Variants in CRY1 observed in about 807,000 individuals in gnomAD.
CRY1 encodes cryptochrome circadian regulator 1, also known as cryptochrome-1.
A neutral mutation model predicts 76.0 loss-of-function variants in CRY1; 45 were observed. The observed-to-expected ratio is 0.59, with a 90% CI of 0.47 to 0.76. The LOEUF (loss-of-function observed/expected upper bound fraction) is 0.76, where lower values mean the gene tolerates loss of function less well. Ranked by LOEUF, CRY1 falls within the 30% of genes least tolerant of loss-of-function variation. CRY1 has a pLI of 0.00. For missense variants in CRY1, 587 were observed against 716.4 expected (o/e 0.82, Z 2.06); for synonymous variants, 248 against 244.0 (o/e 1.02, Z -0.15).
intron 1 of CRY1, among the ~76,000 whole-genome samples, chr12:107,034,030 A>G (rs530320301): frequency 2.7e-4 from 41 of 151,842 alleles, no homozygotes; most frequent in African/African-American, 9.4e-4. Flanking sequence ...ACTTCCAGGA[A>G]GTTAGGCGTT....
At chr12:107,087,319 C>A (rs1276202853) in intron 1 of CRY1, among the ~76,000 whole-genome samples, 2 of 152,088 alleles carry the variant, frequency 1.3e-5, no homozygotes, top group African/African-American at 4.8e-5. Context: ...AAACAGCACA[C>A]ACCCTCAGCC....
At chr12:107,021,487 T>C (rs1369068465) in intron 2 of CRY1, among the ~76,000 whole-genome samples, 1 of 152,082 alleles carries the variant, frequency 6.6e-6, no homozygotes. Flanking sequence ...AAACGTTCAG[T>C]AGAAAGCTAG....
At chr12:107,086,860 G>A (rs1411041487) in intron 1 of CRY1, among the ~76,000 whole-genome samples, 4 of 152,226 alleles carry the variant, frequency 2.6e-5, no homozygotes, top group Admixed American at 6.5e-5. Flanking sequence ...TCCCCACAGA[G>A]AACTCACTGT....
chr12:107,036,128 G>A lies in CRY1; in HGVS notation c.159-13936C>T, dbSNP rs570739950. 5.9e-5 allele frequency among the ~76,000 whole-genome samples: 9 copies of A among 152,226 alleles called. No individual in the cohort carries two copies. In the East Asian group the frequency reaches 1.7e-3, roughly 29 times the overall value. Reference sequence around the variant, plus strand: ...AGGGGAAGAACTGGGAAACATACAGGGCTTTACATTGCCTTCACCAAGTAC... The same window carrying A: ...AGGGGAAGAACTGGGAAACATACAGAGCTTTACATTGCCTTCACCAAGTAC... On this transcript the variant is annotated intron_variant, in intron 1 of 12. Coordinates refer to ENST00000008527, the MANE Select transcript of CRY1 (RefSeq NM_004075.5).
chr12:107,017,280 C>A (rs1443402153), intron 2 of CRY1, among the ~76,000 whole-genome samples: 1 of 152,220 alleles, frequency 6.6e-6, no homozygotes. Context: ...GTTGTTGTTC[C>A]CTAAACAAAT....
At chr12:106,997,192 A>G in intron 10 of CRY1, 102 bp downstream of exon 10, 1 of 1,076,670 alleles carries the variant, frequency 9.3e-7, no homozygotes, top group South Asian at 1.4e-5. Context: ...GCTAATTTCA[A>G]AGACAGATTT....
intron 1 of CRY1, among the ~76,000 whole-genome samples, chr12:107,087,374 T>C (rs1055802396): frequency 2.0e-5 from 3 of 152,170 alleles, no homozygotes; most frequent in Non-Finnish European, 2.9e-5. Context: ...AAAGAAGCCA[T>C]GTGGTCTGTG....
At chr12:107,068,125 G>A (rs1308697719) in intron 1 of CRY1, among the ~76,000 whole-genome samples, 1 of 152,096 alleles carries the variant, frequency 6.6e-6, no homozygotes, top group East Asian at 1.9e-4. Context: ...ATCCTAATTA[G>A]TTTCATGCTA....
At position 107,075,322 on chromosome 12, in the gene CRY1, A is replaced by G. The variant is rs565849452; in HGVS notation, c.158+17482T>C. On this transcript the variant is annotated intron_variant, in intron 1 of 12. Coordinates refer to ENST00000008527, the MANE Select transcript of CRY1 (RefSeq NM_004075.5). Reference sequence around the variant, plus strand: ...TAAATTTTATATAAACTGAGAATATAAAAAGTAAAGTTTTATAGAAAATGA... The same window carrying G: ...TAAATTTTATATAAACTGAGAATATGAAAAGTAAAGTTTTATAGAAAATGA... 1.7e-4 allele frequency among the ~76,000 whole-genome samples: 26 copies of G among 152,336 alleles called. No homozygotes were observed. In the East Asian group the frequency reaches 4.6e-3, roughly 27 times the overall value.
At chr12:106,998,172 A>G in intron 7 of CRY1, 106 bp from the exon 8 acceptor site, 1 of 1,287,180 alleles carries the variant, frequency 7.8e-7, no homozygotes, top group African/African-American at 1.5e-5. Context: ...AATCTAGCAC[A>G]GAATTGTAAA....
At chr12:106,997,232 CAAATAT>C in intron 10 of CRY1, 56 bp downstream of exon 10, 1 of 1,376,956 alleles carries the variant, frequency 7.3e-7, no homozygotes. Context: ...GGATCAATAA[CAAATAT>C]ATTTGTTTAA....
intron 1 of CRY1, among the ~76,000 whole-genome samples, chr12:107,069,647 G>GTATATA (rs1953161475): frequency 7.8e-6 from 1 of 128,318 alleles, no homozygotes; most frequent in African/African-American, 2.9e-5. Flanking sequence ...TATATAAAAA[G>GTATATA]TATATAAAGT....
chr12:107,056,472 C>A (rs1036578480), intron 1 of CRY1, among the ~76,000 whole-genome samples: 1 of 152,174 alleles, frequency 6.6e-6, no homozygotes, highest in Non-Finnish European at 1.5e-5. Flanking sequence ...CTAGAGCAAG[C>A]TTGCCCAACC....
chr12:107,092,825 T>A lies in CRY1; in HGVS notation c.137A>T (p.Asn46Ile), dbSNP rs1172430877. 1 of 1,611,622 alleles carries A rather than the reference T, an allele frequency of 6.2e-7. No individual in the cohort carries two copies. Among genetic ancestry groups the A allele is most frequent in the Non-Finnish European group, 8.5e-7 (1 of 1,179,800 alleles). The change falls in exon 1 of 13, where the codon AAT becomes ATT. Residue 46 changes from asparagine to isoleucine, a missense_variant. Transcript: ENST00000008527. The part of the protein sequence containing the change: ...ILDPWFAGSS[N>I]VGINRWRFLL... ...TCACCGCCACCTGTTGATGCCCACA[T>A]TGGAGGAGCCGGCGAACCAGGGGTC...
intron 1 of CRY1, among the ~76,000 whole-genome samples, chr12:107,040,883 CATA>C (rs1292890397): frequency 6.6e-6 from 1 of 150,380 alleles, no homozygotes; most frequent in Non-Finnish European, 1.5e-5. Context: ...GTAAGTGAGA[CATA>C]TCTCTTGACT....
At chr12:107,007,701 AT>A (rs1218589141) in intron 2 of CRY1, among the ~76,000 whole-genome samples, 6 of 151,370 alleles carry the variant, frequency 4.0e-5, no homozygotes, top group African/African-American at 4.8e-5. Flanking sequence ...AGCTAACTTA[AT>A]TTTTTTTCGT....
intron 1 of CRY1, among the ~76,000 whole-genome samples, chr12:107,089,000 A>G (rs964311521): frequency 1.3e-5 from 2 of 152,218 alleles, no homozygotes; most frequent in African/African-American, 4.8e-5. Context: ...CATATAACAC[A>G]TGGAATTTTG....
chr12:107,001,441 C>CA (rs1163847102), intron 4 of CRY1, 73 bp from the exon 5 acceptor site: 4 of 1,287,184 alleles, frequency 3.1e-6, no homozygotes, highest in Non-Finnish European at 4.4e-6. Flanking sequence ...ACTGGGAGAA[C>CA]AAATTACTTT....
At chr12:107,082,872 C>T (rs777030553) in intron 1 of CRY1, among the ~76,000 whole-genome samples, 6 of 151,842 alleles carry the variant, frequency 4.0e-5, no homozygotes, top group African/African-American at 9.7e-5. Flanking sequence ...GACAGAGACA[C>T]GAAAAACCCT....
Sources: gnomAD v4.1 joint callset for allele counts (sites outside exome capture counted in the v4.1 genomes callset) on GRCh38, gnomAD v4.1.1 for gene constraint, MANE v1.5 for transcripts, NCBI Gene and HGNC (gene_info 2026-07-23, HGNC 2026-07-21) for gene names.